The following BASP1 variants were observed in gnomAD, a reference collection of about 807,000 sequenced individuals.
BASP1 encodes brain abundant membrane attached signal protein 1, also known as brain acid soluble protein 1.
In BASP1, 1 loss-of-function variant was observed where a neutral mutation model predicts 2.2. That is an observed-to-expected ratio of 0.46 (90% CI 0.16 to 2.17). The LOEUF (loss-of-function observed/expected upper bound fraction) is 2.17, where lower values mean the gene tolerates loss of function less well. BASP1 is among the 30% of genes most tolerant of loss of function. The pLI is 0.27. For missense variants in BASP1, 352 were observed against 327.2 expected, an observed-to-expected ratio of 1.08 and a Z score of -0.58; for synonymous variants, 187 against 154.2, an observed-to-expected ratio of 1.21 and a Z score of -1.58.
At chr5:17,228,701 C>G (rs963905090) in intron 1 of BASP1, among the ~76,000 whole-genome samples, 1 of 152,152 alleles carries the variant, frequency 6.6e-6, no homozygotes, top group Non-Finnish European at 1.5e-5. Flanking sequence ...ATAGAGGGAC[C>G]AGTTGGCAGA....
upstream of BASP1, chr5:17,217,097 T>TGAGAGAGAGAGA (rs1224670797): frequency 3.4e-3 from 305 of 90,752 alleles, 2 homozygotes; most frequent in African/African-American, 0.016. Context: ...AGAGAGAGAG[T>TGAGAGAGAGAGA]GAGTGAGAGA....
intron 1 of BASP1, among the ~76,000 whole-genome samples, chr5:17,239,600 C>T (rs1353247567): frequency 6.6e-6 from 1 of 152,134 alleles, no homozygotes; most frequent in Non-Finnish European, 1.5e-5. Flanking sequence ...TGTTTAAATA[C>T]CCTAGGCTGT....
chr5:17,249,087 G>C (rs1458454347), intron 1 of BASP1, among the ~76,000 whole-genome samples: 1 of 151,948 alleles, frequency 6.6e-6, no homozygotes, highest in Non-Finnish European at 1.5e-5. Flanking sequence ...TTTGTATTTT[G>C]GTGGCACTAT....
chr5:17,228,095 T>C (rs908124661), intron 1 of BASP1, among the ~76,000 whole-genome samples: 8 of 152,266 alleles, frequency 5.3e-5, no homozygotes, highest in Admixed American at 5.2e-4. Flanking sequence ...TCTGACCCGA[T>C]GATTGACTGA....
intron 1 of BASP1, among the ~76,000 whole-genome samples, chr5:17,240,166 A>ATAAATAAATAAT (rs1027606785): frequency 1.4e-5 from 2 of 147,176 alleles, no homozygotes; most frequent in African/African-American, 4.9e-5. Context: ...AAATAAATAA[A>ATAAATAAATAAT]TAACAGGTTG....
intron 1 of BASP1, chr5:17,240,565 TAAA>T (rs1253673071): frequency 6.6e-6 from 1 of 151,612 alleles, no homozygotes; most frequent in Admixed American, 6.6e-5. Context: ...AATAATAAAA[TAAA>T]AAACAGAGTG....
At chr5:17,253,989 A>G (rs1740152027) in intron 1 of BASP1, among the ~76,000 whole-genome samples, 1 of 152,070 alleles carries the variant, frequency 6.6e-6, no homozygotes, top group Non-Finnish European at 1.5e-5. Context: ...TATAAGTAGA[A>G]CTTGCATGTT....
intron 1 of BASP1, among the ~76,000 whole-genome samples, chr5:17,237,621 CTTT>C (rs10607958): frequency 2.0e-3 from 277 of 141,350 alleles, no homozygotes; most frequent in South Asian, 8.3e-3. Flanking sequence ...CCTGACATTG[CTTT>C]TTTTTTTTTT....
chr5:17,238,325 ATAAAACT>A (rs1034089267), intron 1 of BASP1, among the ~76,000 whole-genome samples: 1 of 152,022 alleles, frequency 6.6e-6, no homozygotes, highest in African/African-American at 2.4e-5. Flanking sequence ...CGAAACCAAA[ATAAAACT>A]TAAAAGAAAC....
At chr5:17,262,847 C>A (rs1740342670) in intron 1 of BASP1, among the ~76,000 whole-genome samples, 1 of 147,076 alleles carries the variant, frequency 6.8e-6, no homozygotes, top group Non-Finnish European at 1.5e-5. Flanking sequence ...AAGATCAAAT[C>A]TTCTTTTTTT....
chr5:17,233,365 C>G (rs1223787748), intron 1 of BASP1, among the ~76,000 whole-genome samples: 1 of 152,192 alleles, frequency 6.6e-6, no homozygotes, highest in African/African-American at 2.4e-5. Context: ...GTGGCATCCT[C>G]TTCAGCTGAA....
chr5:17,275,501 G>A lies in BASP1; in HGVS notation c.285G>A (p.Glu95=). The A allele has an allele frequency of 4.8e-6, 7 of 1,462,606 alleles. No individual in the cohort carries two copies. The highest frequency in any genetic ancestry group is 1.4e-5 in the South Asian group (1 of 69,424). 90.6% of individuals were successfully genotyped at this position (1,462,606 alleles called of 1,614,324 possible). ...CCGAGAAGACGGAGGGCGCGGCAGA[G>A]GCCAAGGCTGAGCCCCCGAAGGCGC... The part of the protein sequence containing the change: ...AEPEKTEGAA[E]AKAEPPKAPE... The change falls in exon 2 of 2, where the codon GAG becomes GAA. Residue 95 remains glutamate (E), a synonymous_variant. Transcript: ENST00000322611. The surrounding 1 kb of genome is among the most constrained non-coding windows in gnomAD (Gnocchi z 5.3).
chr5:17,273,416 A>G (rs908112057), intron 1 of BASP1, among the ~76,000 whole-genome samples: 1 of 152,180 alleles, frequency 6.6e-6, no homozygotes, highest in African/African-American at 2.4e-5. Context: ...AAGGACATGT[A>G]AGAGAATCTT....
rs886562447 is a variant in BASP1, at chr5:17,251,788, G to A, written c.-9-23420G>A. Among the ~76,000 whole-genome samples the A allele has an allele frequency of 6.6e-6, 1 of 152,184 alleles. No homozygotes were observed. The highest frequency in any genetic ancestry group is 2.1e-4 in the South Asian group (1 of 4,830). ...TGGATGTGGTTCTAATCTCTTGGGAGGGAGCAGAGGAGAAAGAAGGTTCGG... is the reference window on the plus strand; with the variant it reads ...TGGATGTGGTTCTAATCTCTTGGGAAGGAGCAGAGGAGAAAGAAGGTTCGG... On this transcript the variant is annotated intron_variant, in intron 1 of 1. Transcript: ENST00000322611. The surrounding 1 kb of genome is among the most constrained non-coding windows in gnomAD (Gnocchi z 4.0).
chr5:17,259,849 A>C (rs1740282263), intron 1 of BASP1, among the ~76,000 whole-genome samples: 1 of 152,194 alleles, frequency 6.6e-6, no homozygotes, highest in African/African-American at 2.4e-5. Flanking sequence ...TCCATTAAGA[A>C]GCAGCAGAAA....
At chr5:17,263,263 G>T (rs370686683) in intron 1 of BASP1, among the ~76,000 whole-genome samples, 6 of 151,962 alleles carry the variant, frequency 3.9e-5, no homozygotes, top group African/African-American at 9.7e-5. Context: ...TCTTTATGGG[G>T]TACAAAGTAG....
intron 1 of BASP1, among the ~76,000 whole-genome samples, chr5:17,244,683 A>G (rs1004469725): frequency 1.3e-5 from 2 of 151,072 alleles, no homozygotes; most frequent in South Asian, 2.1e-4. Flanking sequence ...CAAAGATACT[A>G]TAATTGTAGT....
chr5:17,222,111 G>T (rs1263214536), intron 1 of BASP1, among the ~76,000 whole-genome samples: 1 of 151,954 alleles, frequency 6.6e-6, no homozygotes, highest in Non-Finnish European at 1.5e-5. Flanking sequence ...TTTTGTTCCA[G>T]CTTGATTAAT....
intron 1 of BASP1, among the ~76,000 whole-genome samples, chr5:17,249,022 A>G (rs1342609337): frequency 6.6e-6 from 1 of 152,214 alleles, no homozygotes; most frequent in Non-Finnish European, 1.5e-5. Context: ...GTAGAGGCTC[A>G]TTGGCATAAG....
Sources: allele counts gnomAD v4.1 joint callset (sites outside exome capture counted in the v4.1 genomes callset), GRCh38; gene constraint gnomAD v4.1.1; non-coding constraint Gnocchi (gnomAD v3.1); transcripts MANE v1.5; gene names NCBI Gene and HGNC (gene_info 2026-07-23, HGNC 2026-07-21).